SHTN1: variants seen among roughly 807,000 people sequenced by gnomAD.
SHTN1 encodes the protein shootin 1.
A neutral mutation model predicts 83.1 loss-of-function variants in SHTN1; 42 were observed. The observed-to-expected ratio is 0.51, with a 90% CI of 0.39 to 0.65. The LOEUF (loss-of-function observed/expected upper bound fraction) is 0.65, where lower values mean the gene tolerates loss of function less well. Ranked by LOEUF, SHTN1 falls within the 30% of genes least tolerant of loss-of-function variation. The pLI is 0.00. For synonymous variants in SHTN1, 224 were observed against 247.7 expected (o/e 0.90, Z 0.90); for missense variants, 622 against 737.8 (o/e 0.84, Z 1.82).
At chr10:117,110,073 T>C (rs981728955) in intron 1 of SHTN1, among the ~76,000 whole-genome samples, 2 of 152,160 alleles carry the variant, frequency 1.3e-5, no homozygotes, top group Admixed American at 6.5e-5. Flanking sequence ...GCTAATATGA[T>C]AACTGCAACT....
intron 13 of SHTN1, among the ~76,000 whole-genome samples, chr10:116,913,331 C>T (rs1848272860): frequency 6.6e-6 from 1 of 152,214 alleles, no homozygotes; most frequent in Non-Finnish European, 1.5e-5. Context: ...CGTCTGTCCT[C>T]AAGCATGCAG....
chr10:116,914,333 A>G (rs1427527682), intron 13 of SHTN1, among the ~76,000 whole-genome samples: 1 of 152,096 alleles, frequency 6.6e-6, no homozygotes, highest in East Asian at 1.9e-4. Flanking sequence ...TTAGCTGGGC[A>G]TGGTGGCATG....
chr10:117,026,642 A>G (rs7080596), intron 2 of SHTN1, among the ~76,000 whole-genome samples: 138,510 of 152,218 alleles, frequency 0.91, 64,410 homozygotes, highest in Non-Finnish European at 1. Context: ...GGCTGGTGTC[A>G]ATCTCCTGAC....
intron 16 of SHTN1, among the ~76,000 whole-genome samples, chr10:116,897,622 G>T (rs1054958721): frequency 6.6e-6 from 1 of 152,180 alleles, no homozygotes; most frequent in Non-Finnish European, 1.5e-5. Context: ...GATAAGATAG[G>T]AAAGGAATTT....
chr10:116,900,881 T>C (rs1031437607), intron 16 of SHTN1: 1 of 985,058 alleles, frequency 1.0e-6, no homozygotes, highest in Admixed American at 6.1e-5. Context: ...ATAGTAGCAA[T>C]GAGAGAATGC....
intron 14 of SHTN1, 113 bp from the exon 15 acceptor site, chr10:116,906,860 C>T: frequency 6.9e-6 from 6 of 867,022 alleles, no homozygotes; most frequent in Non-Finnish European, 9.9e-6. Context: ...AATTATGAAA[C>T]AAAATGAATT....
chr10:116,992,097 ATGCCACTGCACTCCAGCC>A lies in SHTN1; in HGVS notation c.59-12807_59-12790del, dbSNP rs1377917350. Among the ~76,000 whole-genome samples the A allele has an allele frequency of 1.5e-3, 227 of 152,254 alleles. 2 individuals carry two copies. The highest frequency in any genetic ancestry group is 0.015 in the Admixed American group (225 of 15,294). On this transcript the variant is annotated intron_variant, in intron 1 of 16. Coordinates refer to ENST00000355371, the MANE Select transcript of SHTN1 (RefSeq NM_001127211.3). ...GTTGAGGCTGCAGTGCGTCATGATC[ATGCCACTGCACTCCAGCC>A]TGGGTGACAGAGTGAGATGCTGTCT...
intron 1 of SHTN1, among the ~76,000 whole-genome samples, chr10:116,989,659 T>C (rs1241468282): frequency 6.6e-6 from 1 of 152,144 alleles, no homozygotes. Flanking sequence ...CCCCATACAT[T>C]TACCTTCCCA....
rs1359991761 is a variant in SHTN1 at position 116,969,764 on chromosome 10, AT to A, written c.112-1053del. Reference sequence around the variant, plus strand: ...TGATAGGCCCTGGAGGCATTAATGAATTTTTTTAAAAAACCTAATGTTTATT... The same window carrying A: ...TGATAGGCCCTGGAGGCATTAATGAATTTTTTAAAAAACCTAATGTTTATT... On this transcript the variant is annotated intron_variant, in intron 2 of 16. Coordinates refer to ENST00000355371, the MANE Select transcript of SHTN1 (RefSeq NM_001127211.3). 2.6e-5 allele frequency among the ~76,000 whole-genome samples: 4 copies of A among 152,246 alleles called. No individual in the cohort carries two copies. The East Asian group carries it at 7.7e-4, about 29-fold the overall frequency.
intron 1 of SHTN1, among the ~76,000 whole-genome samples, chr10:117,090,957 A>G (rs1853423540): frequency 6.6e-6 from 1 of 152,218 alleles, no homozygotes. Flanking sequence ...ACCCTGTGAC[A>G]GAAGAGCACA....
intron 1 of SHTN1, among the ~76,000 whole-genome samples, chr10:117,062,708 C>T (rs1417094620): frequency 5.9e-5 from 9 of 152,052 alleles, no homozygotes; most frequent in Admixed American, 5.9e-4. Context: ...TTATTAGATT[C>T]TTTTGTATAA....
intron 2 of SHTN1, among the ~76,000 whole-genome samples, chr10:117,014,514 A>G (rs1035554273): frequency 2.7e-5 from 4 of 150,608 alleles, no homozygotes; most frequent in African/African-American, 1.0e-4. Flanking sequence ...CTAGCTGGCA[A>G]ATCTACCTCT....
intron 2 of SHTN1, among the ~76,000 whole-genome samples, chr10:116,977,894 C>T (rs141657647): frequency 6.6e-6 from 1 of 152,148 alleles, no homozygotes; most frequent in Admixed American, 6.5e-5. Flanking sequence ...CCAGGCTGGT[C>T]TTGAATTCCT....
chr10:117,084,751 T>C (rs1853323501), intron 1 of SHTN1, among the ~76,000 whole-genome samples: 1 of 152,204 alleles, frequency 6.6e-6, no homozygotes, highest in Non-Finnish European at 1.5e-5. Context: ...CGCCGTTTTT[T>C]AAGCCCGTCG....
intron 2 of SHTN1, among the ~76,000 whole-genome samples, chr10:117,017,584 A>G (rs1407882769): frequency 2.6e-5 from 4 of 152,180 alleles, no homozygotes; most frequent in Non-Finnish European, 5.9e-5. Context: ...TGATATAAAT[A>G]AATGATTAAG....
At chr10:117,071,073 T>C (rs1197607822) in intron 1 of SHTN1, among the ~76,000 whole-genome samples, 4 of 152,154 alleles carry the variant, frequency 2.6e-5, no homozygotes, top group Non-Finnish European at 4.4e-5. Flanking sequence ...TTCCTACCTT[T>C]AACAATAAAG....
chr10:116,968,608 T>C (rs1231667063), intron 3 of SHTN1, 44 bp downstream of exon 3: 12 of 1,392,038 alleles, frequency 8.6e-6, no homozygotes, highest in African/African-American at 2.8e-5. Context: ...TAATCCCCAA[T>C]AGGCTATATG....
chr10:116,985,335 A>G (rs1241964635), intron 1 of SHTN1, among the ~76,000 whole-genome samples: 1 of 152,186 alleles, frequency 6.6e-6, no homozygotes, highest in African/African-American at 2.4e-5. Context: ...CAAATCCCAC[A>G]ATACAGAATG....
chr10:117,042,603 G>T (rs1294105101), intron 2 of SHTN1, among the ~76,000 whole-genome samples: 1 of 151,502 alleles, frequency 6.6e-6, no homozygotes, highest in Non-Finnish European at 1.5e-5. Context: ...TTATATTCAT[G>T]ACCAGTAGCA....
Sources: gnomAD v4.1 joint callset for allele counts (sites outside exome capture counted in the v4.1 genomes callset) on GRCh38, gnomAD v4.1.1 for gene constraint, MANE v1.5 for transcripts, NCBI Gene and HGNC (gene_info 2026-07-23, HGNC 2026-07-21) for gene names.